Variants in DPP4 observed in about 807,000 individuals in gnomAD.
DPP4 encodes dipeptidyl peptidase 4, also known as ADCP-2.
DPP4 carries 93 observed loss-of-function variants against 122.4 expected under a neutral mutation model. The observed-to-expected ratio is 0.76, with a 90% CI of 0.64 to 0.90. The LOEUF (loss-of-function observed/expected upper bound fraction) is 0.90. Among genes scored for constraint, DPP4 ranks in the 40% least tolerant of loss-of-function variants. DPP4 has a pLI of 0.00. For synonymous variants in DPP4, 321 were observed against 302.9 expected, an observed-to-expected ratio of 1.06 and a Z score of -0.62; for missense variants, 914 against 907.3, an observed-to-expected ratio of 1.01 and a Z score of -0.09.
chr2:162,013,346 A>T (rs1443434045), intron 19 of DPP4, among the ~76,000 whole-genome samples: 1 of 152,174 alleles, frequency 6.6e-6, no homozygotes, highest in Non-Finnish European at 1.5e-5. Context: ...TCACGAATGA[A>T]TTGACTTCAT....
At chr2:162,005,347 A>G (rs564570634) in intron 23 of DPP4, among the ~76,000 whole-genome samples, 49 of 152,328 alleles carry the variant, frequency 3.2e-4, no homozygotes, top group Non-Finnish European at 5.4e-4. Flanking sequence ...GAGTAAGAAA[A>G]TTATAGTCTC....
At chr2:162,051,823 T>C (rs1273685308) in intron 2 of DPP4, among the ~76,000 whole-genome samples, 2 of 152,236 alleles carry the variant, frequency 1.3e-5, no homozygotes, top group Non-Finnish European at 2.9e-5. Context: ...ACTCAAGGGA[T>C]TGAGCAGCTG....
At chr2:162,057,479 C>A (rs1216680065) in intron 2 of DPP4, among the ~76,000 whole-genome samples, 1 of 152,134 alleles carries the variant, frequency 6.6e-6, no homozygotes, top group African/African-American at 2.4e-5. Flanking sequence ...AATTGGATGG[C>A]AATTAGAGAA....
intron 10 of DPP4, among the ~76,000 whole-genome samples, chr2:162,029,104 TGA>T (rs1683450937): frequency 6.6e-6 from 1 of 152,226 alleles, no homozygotes; most frequent in African/African-American, 2.4e-5. Flanking sequence ...GTGAATGCAC[TGA>T]GAGAGACTTG....
intron 18 of DPP4, among the ~76,000 whole-genome samples, chr2:162,016,206 AAAAC>A (rs1486099558): frequency 1.3e-5 from 2 of 152,212 alleles, no homozygotes; most frequent in African/African-American, 4.8e-5. Context: ...AAAATAAAGA[AAAAC>A]AAACAATAAA....
intron 2 of DPP4, among the ~76,000 whole-genome samples, chr2:162,060,396 C>A (rs1684720284): frequency 6.6e-6 from 1 of 152,120 alleles, no homozygotes; most frequent in Admixed American, 6.5e-5. Flanking sequence ...AAGGTAACTT[C>A]CTAGAAAGGA....
At chr2:162,019,110 C>T in intron 15 of DPP4, 113 bp downstream of exon 15, 1 of 1,002,898 alleles carries the variant, frequency 1.0e-6, no homozygotes, top group Non-Finnish European at 1.5e-6. Flanking sequence ...AAAAAGTGCT[C>T]AATAGCAATA....
intron 2 of DPP4, among the ~76,000 whole-genome samples, chr2:162,052,680 T>G (rs1464999868): frequency 6.6e-6 from 1 of 152,110 alleles, no homozygotes; most frequent in Non-Finnish European, 1.5e-5. Context: ...CTGGAATAGT[T>G]TTGAAGTGCA....
At chr2:162,022,894 T>C (rs967106353) in intron 11 of DPP4, 95 bp from the exon 12 acceptor site, 10 of 1,228,404 alleles carry the variant, frequency 8.1e-6, no homozygotes, top group South Asian at 1.2e-5. Flanking sequence ...GCTGTACTTA[T>C]AATAACTGAG....
intron 2 of DPP4, among the ~76,000 whole-genome samples, chr2:162,049,383 A>G (rs1163413950): frequency 6.6e-6 from 1 of 152,154 alleles, no homozygotes; most frequent in Non-Finnish European, 1.5e-5. Flanking sequence ...AGGAACAGAA[A>G]ACCAAATGCC....
In DPP4 at chr2:162,074,205, C is replaced by A. The variant is rs1022166499; in HGVS notation, c.-224G>T. On this transcript the variant is annotated 5_prime_UTR_variant, in exon 1 of 26. Transcript: ENST00000360534. ...GCGGCGCGGGAGCAGGCGCGCGTGG[C>A]GCGGGGCACTGGCATCCCGGCCGGG... 6.5e-6 allele frequency: 8 copies of A among 1,225,452 alleles called. No individual in the cohort carries two copies. The highest frequency in any genetic ancestry group is 8.1e-6 in the Non-Finnish European group (8 of 984,630). 75.9% of individuals were successfully genotyped at this position (1,225,452 alleles called of 1,614,324 possible).
At chr2:162,012,117 G>A (rs1682725410) in intron 19 of DPP4, 130 bp from the exon 20 acceptor site, 1 of 816,758 alleles carries the variant, frequency 1.2e-6, no homozygotes, top group Non-Finnish European at 1.9e-6. Context: ...CCAGCCTATG[G>A]GGTGTCCAGA....
intron 2 of DPP4, among the ~76,000 whole-genome samples, chr2:162,061,561 G>A (rs873826): frequency 0.25 from 37,885 of 152,002 alleles, 5,843 homozygotes; most frequent in Non-Finnish European, 0.36. Context: ...GAGGATAAAC[G>A]TATTCTATCT....
intron 10 of DPP4, among the ~76,000 whole-genome samples, chr2:162,029,688 G>A (rs1683471680): frequency 1.3e-5 from 2 of 152,192 alleles, no homozygotes; most frequent in African/African-American, 4.8e-5. Flanking sequence ...GTGTCATCCA[G>A]GAGCAGAGAG....
chr2:161,995,613 A>G (rs1198994078), intron 23 of DPP4, among the ~76,000 whole-genome samples: 1 of 152,184 alleles, frequency 6.6e-6, no homozygotes, highest in African/African-American at 2.4e-5. Flanking sequence ...GGAAGAGGGC[A>G]CCTGCCACCC....
chr2:162,041,762 A>T (rs888754073), intron 5 of DPP4, among the ~76,000 whole-genome samples: 2 of 152,214 alleles, frequency 1.3e-5, no homozygotes, highest in African/African-American at 4.8e-5. Flanking sequence ...TGGTATGTTC[A>T]CTTCATCTTT....
At chr2:161,994,408 T>C (rs1700940851) in intron 25 of DPP4, among the ~76,000 whole-genome samples, 1 of 152,194 alleles carries the variant, frequency 6.6e-6, no homozygotes, top group South Asian at 2.1e-4. Context: ...TACGTAGAAA[T>C]ATCCTCTGCA....
chr2:162,025,043 T>C (rs1037464135), intron 10 of DPP4, 104 bp from the exon 11 acceptor site: 1 of 1,253,466 alleles, frequency 8.0e-7, no homozygotes, highest in Non-Finnish European at 1.1e-6. Context: ...AAATCAATCT[T>C]AATGGGAAGT....
At position 162,020,625 on chromosome 2, in the gene DPP4, C is replaced by T; in HGVS notation, c.1132G>A (p.Glu378Lys). The T allele has an allele frequency of 6.2e-7, 1 of 1,612,664 alleles. No homozygotes were observed. Among genetic ancestry groups the T allele is most frequent in the Non-Finnish European group, 8.5e-7 (1 of 1,179,644 alleles). Reference protein sequence around the residue: ...GNSFYKIISNEEGYRHICYFQ... With the variant: ...GNSFYKIISNKEGYRHICYFQ... The stretch of plus-strand genomic sequence containing the variant: ...TAGCAAATGTGTCTGTAACCTTCTT[C>T]ATTGCTGATGATCTTGTAGAAGCTA... The change falls in exon 13 of 26, where the codon GAA becomes AAA. Residue 378 changes from glutamate to lysine, a missense_variant. Glu to Lys is a moderately conservative substitution (Grantham distance 56, BLOSUM62 1). Coordinates refer to ENST00000360534, the MANE Select transcript of DPP4 (RefSeq NM_001935.4).
Sources: allele counts gnomAD v4.1 joint callset (sites outside exome capture counted in the v4.1 genomes callset), GRCh38; gene constraint gnomAD v4.1.1; transcripts MANE v1.5; gene names NCBI Gene and HGNC (gene_info 2026-07-23, HGNC 2026-07-21).